The following NOX4 variants were observed in gnomAD, a reference collection of about 807,000 sequenced individuals.
NOX4 encodes NADPH oxidase 4, also known as kidney oxidase-1.
Under a neutral mutation model 87.6 loss-of-function variants are expected in NOX4, and 69 were observed. The ratio of observed to expected loss-of-function variants is 0.79; its 90% CI spans 0.65 to 0.96. The LOEUF (loss-of-function observed/expected upper bound fraction) is 0.96, where lower values mean the gene tolerates loss of function less well. Among genes scored for constraint, NOX4 ranks in the 40% least tolerant of loss-of-function variants. The pLI, the probability that NOX4 is intolerant of heterozygous loss-of-function variation, is 0.00. For missense variants in NOX4, 680 were observed against 681.5 expected, an observed-to-expected ratio of 1.00 and a Z score of 0.02; for synonymous variants, 275 against 238.2, an observed-to-expected ratio of 1.15 and a Z score of -1.42.
intron 7 of NOX4, among the ~76,000 whole-genome samples, chr11:89,427,550 C>T (rs534016059): frequency 1.3e-5 from 2 of 152,166 alleles, no homozygotes; most frequent in African/African-American, 4.8e-5. Context: ...AGCTGAAAAC[C>T]ATGGCACGAG....
intron 13 of NOX4, among the ~76,000 whole-genome samples, chr11:89,351,665 ACT>A (rs767889387): frequency 6.6e-6 from 1 of 152,104 alleles, no homozygotes; most frequent in Non-Finnish European, 1.5e-5. Context: ...TGCTAAATCT[ACT>A]CTGTTTTCAC....
chr11:89,369,430 C>A (rs116676205), intron 12 of NOX4, among the ~76,000 whole-genome samples: 2 of 152,030 alleles, frequency 1.3e-5, no homozygotes, highest in South Asian at 2.1e-4. Flanking sequence ...TCTATAAGAG[C>A]GGAGACTTTG....
At chr11:89,525,729 G>A in the NOX4 span, among the ~76,000 whole-genome samples, 7 of 151,940 alleles carry the variant, frequency 4.6e-5, no homozygotes, top group Non-Finnish European at 7.4e-5. Context: ...TGTTTTAAAA[G>A]TTAAATTTAT....
chr11:89,417,231 C>T (rs986384471), intron 8 of NOX4, among the ~76,000 whole-genome samples: 1 of 152,096 alleles, frequency 6.6e-6, no homozygotes, highest in African/African-American at 2.4e-5. Flanking sequence ...CTGTGACATT[C>T]GTAATTTATT....
chr11:89,416,941 C>T (rs1444424456), intron 8 of NOX4, among the ~76,000 whole-genome samples: 1 of 152,060 alleles, frequency 6.6e-6, no homozygotes, highest in African/African-American at 2.4e-5. Flanking sequence ...AGAGCTAGCA[C>T]AAAAAAATAT....
At chr11:89,576,498 T>C in the NOX4 span, among the ~76,000 whole-genome samples, 1 of 152,232 alleles carries the variant, frequency 6.6e-6, no homozygotes, top group Admixed American at 6.5e-5. Flanking sequence ...TGGCTATATT[T>C]TTCTTGAGAA....
rs1946818663 is a variant in NOX4 at position 89,490,767 on chromosome 11, T to C, written c.58-214A>G. On this transcript the variant is annotated intron_variant, in intron 1 of 17. Transcript: ENST00000263317. The stretch of plus-strand genomic sequence containing the variant: ...AGCCCTTTCACCTGAGACTAAGCAT[T>C]TGGGTTGCAAATAGGTTTCCTAAAT... 4 of 694,952 alleles carry C rather than the reference T, an allele frequency of 5.8e-6. No homozygotes were observed. The Admixed American group carries it at 8.2e-5, about 14-fold the overall frequency. 43.0% of individuals were successfully genotyped at this position (694,952 alleles called of 1,614,324 possible).
At chr11:89,507,983 C>T in the NOX4 span, among the ~76,000 whole-genome samples, 2 of 152,042 alleles carry the variant, frequency 1.3e-5, no homozygotes, top group South Asian at 4.2e-4. Context: ...TATATTTGCC[C>T]TCATAGTTTA....
At chr11:89,490,813 C>A (rs1310539134) in intron 1 of NOX4, 8 of 698,406 alleles carry the variant, frequency 1.1e-5, no homozygotes, top group South Asian at 4.5e-5. Context: ...TATCCCCTGC[C>A]GTACAAAATG....
At chr11:89,343,316 T>C (rs939855842) in intron 13 of NOX4, among the ~76,000 whole-genome samples, 1 of 152,186 alleles carries the variant, frequency 6.6e-6, no homozygotes, top group Admixed American at 6.6e-5. Flanking sequence ...TTATTAACGG[T>C]ATCAATGAGT....
chr11:89,572,774 A>G, the NOX4 span, among the ~76,000 whole-genome samples: 2 of 151,940 alleles, frequency 1.3e-5, no homozygotes, highest in Admixed American at 6.6e-5. Context: ...CTTTTTACAT[A>G]TATCTCTTAA....
the NOX4 span, among the ~76,000 whole-genome samples, chr11:89,572,127 G>T: frequency 6.6e-6 from 1 of 152,100 alleles, no homozygotes; most frequent in East Asian, 1.9e-4. Flanking sequence ...ATGTATAAAA[G>T]CACACTTGAA....
the NOX4 span, among the ~76,000 whole-genome samples, chr11:89,557,690 C>T: frequency 6.6e-6 from 1 of 151,954 alleles, no homozygotes; most frequent in Non-Finnish European, 1.5e-5. Flanking sequence ...TTTCATGCTC[C>T]CTAAACTTAG....
rs879734185 is a variant in NOX4 at position 89,358,760 on chromosome 11, TA to T, written c.1136-3718del. ...ATAATTTGATGTTTTATTTGTTAAG[TA>T]AAAAAAAAAAAAGATATATTAATGC... On this transcript the variant is annotated intron_variant, in intron 12 of 17. Transcript: ENST00000263317. Among the ~76,000 whole-genome samples, 1,093 of 139,528 alleles carry T rather than the reference TA, an allele frequency of 7.8e-3. 8 individuals carry two copies. Among genetic ancestry groups the T allele is most frequent in the South Asian group, 0.023 (100 of 4,428 alleles). The allele number at this position is 139,528 out of a possible 152,430, so 91.5% of individuals were successfully genotyped here. A position where few individuals can be genotyped will look rare whatever the true frequency, so the allele number is the denominator to read the frequency against.
At chr11:89,531,131 TA>T in the NOX4 span, among the ~76,000 whole-genome samples, 11 of 152,196 alleles carry the variant, frequency 7.2e-5, no homozygotes, top group Admixed American at 7.2e-4. Context: ...TGCCAGGATT[TA>T]TTTTCATCAA....
At chr11:89,399,895 T>A (rs1279463109) in intron 11 of NOX4, 122 bp downstream of exon 11, 8 of 595,242 alleles carry the variant, frequency 1.3e-5, no homozygotes, top group Non-Finnish European at 2.4e-5. Flanking sequence ...AAAGATAGCT[T>A]ACTTAAACAT....
chr11:89,444,371 T>C, intron 4 of NOX4, 139 bp from the exon 5 acceptor site: 2 of 705,348 alleles, frequency 2.8e-6, no homozygotes, highest in Non-Finnish European at 2.4e-6. Flanking sequence ...CATTGAAAGG[T>C]GAAGTTTTAA....
the NOX4 span, among the ~76,000 whole-genome samples, chr11:89,537,948 C>T: frequency 6.6e-6 from 1 of 152,190 alleles, no homozygotes; most frequent in Non-Finnish European, 1.5e-5. Context: ...TTGATAACCT[C>T]TCTTTTACTT....
chr11:89,327,462 A>G (rs538587603), intron 17 of NOX4, among the ~76,000 whole-genome samples: 96 of 152,300 alleles, frequency 6.3e-4, no homozygotes, highest in African/African-American at 2.1e-3. Context: ...TTATTTATGC[A>G]CTGCAATAAT....
Sources: gnomAD v4.1 joint callset for allele counts (sites outside exome capture counted in the v4.1 genomes callset) on GRCh38, gnomAD v4.1.1 for gene constraint, MANE v1.5 for transcripts, NCBI Gene and HGNC (gene_info 2026-07-23, HGNC 2026-07-21) for gene names.